The following AMBRA1 variants were observed in gnomAD, a reference collection of about 807,000 sequenced individuals.
AMBRA1 encodes the protein activating molecule in BECN1-regulated autophagy protein 1.
AMBRA1 carries 47 observed loss-of-function variants against 125.4 expected under a neutral mutation model. That is an observed-to-expected ratio of 0.37 (90% CI 0.30 to 0.48). The LOEUF (loss-of-function observed/expected upper bound fraction) is 0.48, where lower values mean the gene tolerates loss of function less well. Among genes scored for constraint, AMBRA1 ranks in the 20% least tolerant of loss-of-function variants. AMBRA1 has a pLI of 0.99. For synonymous variants in AMBRA1, 626 were observed against 655.5 expected, an observed-to-expected ratio of 0.95 and a Z score of 0.69; for missense variants, 1,331 against 1,693.4, an observed-to-expected ratio of 0.79 and a Z score of 3.76.
Position 46,408,638 on chromosome 11 carries a change from CG to C in AMBRA1, c.3277del (p.Arg1093GlyfsTer7). 1 of 1,607,586 alleles carries C rather than the reference CG, an allele frequency of 6.2e-7. No homozygotes were observed. The highest frequency in any genetic ancestry group is 8.5e-7 in the Non-Finnish European group (1 of 1,176,000). On this transcript the variant is annotated frameshift_variant, in exon 17 of 18. Transcript: ENST00000683756. LOFTEE classifies it high-confidence loss of function. ...AGATGTCACTGAGGTGGCAGGGTTC[CG>C]GGGCTGAAGCCCAATGGCATTCATC... ...GLMNAIGLQP[R>X]NPATSVTSQG...
At chr11:46,460,273 A>G (rs1949041783) in intron 11 of AMBRA1, among the ~76,000 whole-genome samples, 2 of 152,238 alleles carry the variant, frequency 1.3e-5, no homozygotes, top group African/African-American at 4.8e-5. Flanking sequence ...TGAATTTTAA[A>G]AGTTATATGA....
At chr11:46,427,371 C>T (rs1367163989) in intron 14 of AMBRA1, among the ~76,000 whole-genome samples, 3 of 152,070 alleles carry the variant, frequency 2.0e-5, no homozygotes, top group Admixed American at 6.5e-5. Context: ...GGATACCCAA[C>T]GGTATAAAAG....
chr11:46,399,947 G>A (rs1431170241), intron 17 of AMBRA1, among the ~76,000 whole-genome samples: 2 of 152,082 alleles, frequency 1.3e-5, no homozygotes, highest in Non-Finnish European at 2.9e-5. Context: ...TGCTTGCTGG[G>A]TGACCTTGAA....
At chr11:46,534,799 GAGTAGCTGGGACT>G (rs1458561753) in intron 7 of AMBRA1, among the ~76,000 whole-genome samples, 3 of 152,072 alleles carry the variant, frequency 2.0e-5, no homozygotes, top group Admixed American at 2.0e-4. Flanking sequence ...TCAGCCCCAC[GAGTAGCTGGGACT>G]ACAGGCACAT....
chr11:46,428,718 C>G, intron 14 of AMBRA1: 1 of 1,607,816 alleles, frequency 6.2e-7, no homozygotes, highest in Non-Finnish European at 8.5e-7. Flanking sequence ...GTTGCTGACC[C>G]AGCCCCAGCC....
At chr11:46,483,537 T>C (rs1950153729) in intron 11 of AMBRA1, among the ~76,000 whole-genome samples, 1 of 152,164 alleles carries the variant, frequency 6.6e-6, no homozygotes, top group African/African-American at 2.4e-5. Flanking sequence ...CAGGTTGGAA[T>C]AAACGAGGCT....
rs1952790138 is a variant in AMBRA1, at chr11:46,542,352, C to T, written c.1665G>A (p.Glu555=). The change falls in exon 7 of 18, where the codon GAG becomes GAA. Residue 555 remains glutamate (E), a synonymous_variant. Transcript: ENST00000683756. The surrounding 1 kb of genome is among the most constrained non-coding windows in gnomAD (Gnocchi z 5.9). Reference sequence around the variant, plus strand: ...GGCCACGGGACAGGTTGGAGTTGTTCTCACTGCTGTGTGGGGTGGGCTGGT... The same window carrying T: ...GGCCACGGGACAGGTTGGAGTTGTTTTCACTGCTGTGTGGGGTGGGCTGGT... ...PSHQPTPHSS[E]NNSNLSRGHL... is the part of the protein sequence containing the mutation. 6.2e-7 allele frequency: 1 copy of T among 1,614,004 alleles called. No individual in the cohort carries two copies. The highest frequency in any genetic ancestry group is 1.7e-5 in the Admixed American group (1 of 59,994).
chr11:46,543,828 T>A (rs1952869508), intron 6 of AMBRA1, 147 bp downstream of exon 6: 2 of 706,474 alleles, frequency 2.8e-6, no homozygotes, highest in African/African-American at 1.8e-5. Flanking sequence ...TAACCCTGAA[T>A]ATACAGTCTG....
intron 1 of AMBRA1, among the ~76,000 whole-genome samples, chr11:46,576,618 G>A (rs1362012343): frequency 6.6e-6 from 1 of 152,178 alleles, no homozygotes; most frequent in Admixed American, 6.5e-5. Context: ...TAGTCAGGAA[G>A]TTCTTTCTAA....
At chr11:46,448,893 C>T (rs1362051245) in intron 11 of AMBRA1, among the ~76,000 whole-genome samples, 1 of 152,090 alleles carries the variant, frequency 6.6e-6, no homozygotes, top group Non-Finnish European at 1.5e-5. Flanking sequence ...ACAATTTACA[C>T]AAGAGACAAA....
chr11:46,593,274 T>C (rs961348813), intron 1 of AMBRA1, among the ~76,000 whole-genome samples: 10 of 152,010 alleles, frequency 6.6e-5, no homozygotes, highest in Non-Finnish European at 1.3e-4. Flanking sequence ...AAAAGTGACT[T>C]ACAGTGAATT....
At chr11:46,432,355 A>G (rs935012755) in intron 14 of AMBRA1, among the ~76,000 whole-genome samples, 1 of 152,202 alleles carries the variant, frequency 6.6e-6, no homozygotes, top group African/African-American at 2.4e-5. Context: ...TTCCAAGTAA[A>G]GGTACCCTGG....
At chr11:46,433,448 G>A (rs778079734) in intron 14 of AMBRA1, 26 bp downstream of exon 14, 1 of 1,611,206 alleles carries the variant, frequency 6.2e-7, no homozygotes, top group East Asian at 2.2e-5. Context: ...CTGCCATACA[G>A]TGAAGGCACA....
chr11:46,586,573 C>T (rs929702496), intron 1 of AMBRA1, among the ~76,000 whole-genome samples: 2 of 152,068 alleles, frequency 1.3e-5, no homozygotes, highest in Non-Finnish European at 2.9e-5. Context: ...CCCAAAGCAT[C>T]TAAACTTCAA....
chr11:46,573,370 C>T (rs1385756030), intron 1 of AMBRA1, among the ~76,000 whole-genome samples: 2 of 151,780 alleles, frequency 1.3e-5, no homozygotes, highest in Non-Finnish European at 2.9e-5. Context: ...AGCCACTACA[C>T]TCCAGCCTGG....
intron 1 of AMBRA1, among the ~76,000 whole-genome samples, chr11:46,559,601 C>T (rs897405746): frequency 3.3e-5 from 5 of 152,154 alleles, no homozygotes; most frequent in East Asian, 1.9e-4. Context: ...TTACACCTTT[C>T]GAGCTTGAGA....
chr11:46,586,865 T>A (rs2044421521), intron 1 of AMBRA1, among the ~76,000 whole-genome samples: 1 of 152,052 alleles, frequency 6.6e-6, no homozygotes, highest in Non-Finnish European at 1.5e-5. Flanking sequence ...TATTCAAAAG[T>A]CTGGGGAGAG....
At chr11:46,446,805 C>T (rs1948305952) in intron 11 of AMBRA1, among the ~76,000 whole-genome samples, 1 of 152,222 alleles carries the variant, frequency 6.6e-6, no homozygotes, top group Non-Finnish European at 1.5e-5. Context: ...GTGCTCTTAG[C>T]ACCACTACTA....
At chr11:46,433,328 G>T in intron 14 of AMBRA1, 146 bp downstream of exon 14, 1 of 971,808 alleles carries the variant, frequency 1.0e-6, no homozygotes, top group Non-Finnish European at 1.4e-6. Flanking sequence ...GCTGGTCATG[G>T]ATGGGCTTGA....
Sources: gnomAD v4.1 joint callset for allele counts (sites outside exome capture counted in the v4.1 genomes callset) on GRCh38, gnomAD v4.1.1 for gene constraint, Gnocchi (gnomAD v3.1) non-coding constraint, MANE v1.5 for transcripts, NCBI Gene and HGNC (gene_info 2026-07-23, HGNC 2026-07-21) for gene names.